ZNF676: variants seen among roughly 807,000 people sequenced by gnomAD.
ZNF676 encodes zinc finger protein 676.
ZNF676 carries 4 observed loss-of-function variants against 6.0 expected under a neutral mutation model. The ratio of observed to expected loss-of-function variants is 0.67; its 90% CI spans 0.33 to 1.53. The LOEUF (loss-of-function observed/expected upper bound fraction) is 1.53. ZNF676 is among the 40% of genes most tolerant of loss of function. The pLI is 0.06. For missense variants in ZNF676, 644 were observed against 679.7 expected (o/e 0.95, Z 0.58); for synonymous variants, 198 against 223.1 (o/e 0.89, Z 1.00).
chr19:22,194,437 A>C (rs1166727991), intron 1 of ZNF676, among the ~76,000 whole-genome samples: 2 of 152,202 alleles, frequency 1.3e-5, no homozygotes, highest in African/African-American at 4.8e-5. Flanking sequence ...ATTGTTCTAC[A>C]ATGTTAGCAC....
upstream of ZNF676, among the ~76,000 whole-genome samples, chr19:22,219,030 AG>A (rs1212526980): frequency 2.7e-4 from 26 of 95,202 alleles, no homozygotes; most frequent in South Asian, 8.0e-3. Context: ...TTTTAGTTTT[AG>A]GATTTTTTTT....
Position 22,196,822 on chromosome 19 carries a change from GT to G in ZNF676, c.-190del. 8.8e-7 allele frequency: 1 copy of G among 1,135,658 alleles called. No homozygotes were observed. The highest frequency in any genetic ancestry group is 1.4e-5 in the South Asian group (1 of 69,098). 70.3% of individuals were successfully genotyped at this position (1,135,658 alleles called of 1,614,324 possible). A position where few individuals can be genotyped will look rare whatever the true frequency, so the allele number is the denominator to read the frequency against. ...AAAATGGAGAGAGTAGAGAGAGCTG[GT>G]TCTGACTTATATGAATGACTGAAAT... On this transcript the variant is annotated 5_prime_UTR_variant, in exon 1 of 3. An upstream open reading frame in the 5' UTR loses its in-frame stop. Transcript: ENST00000397121.
chr19:22,233,527 T>C, the ZNF676 span, among the ~76,000 whole-genome samples: 1 of 152,238 alleles, frequency 6.6e-6, no homozygotes, highest in African/African-American at 2.4e-5. Flanking sequence ...AACATGTTCT[T>C]AGGATGTGTC....
chr19:22,224,692 T>C, the ZNF676 span, among the ~76,000 whole-genome samples: 1 of 152,322 alleles, frequency 6.6e-6, no homozygotes, highest in South Asian at 2.1e-4. Context: ...CTAAAATCTA[T>C]TTAAGTGTAC....
the ZNF676 span, among the ~76,000 whole-genome samples, chr19:22,235,094 AAGAAGGAAGTCAGGAAGGC>A: frequency 1.4e-4 from 19 of 140,114 alleles, 1 homozygote; most frequent in African/African-American, 5.3e-4. Flanking sequence ...GGAAGGCAGG[AAGAAGGAAGTCAGGAAGGC>A]AGGAAGGCAG....
At chr19:22,259,787 T>G in the ZNF676 span, 1 of 152,074 alleles carries the variant, frequency 6.6e-6, no homozygotes, top group Non-Finnish European at 1.5e-5. Context: ...GAGAAGAAGG[T>G]CAAGGTAAAA....
chr19:22,220,878 G>A, the ZNF676 span, among the ~76,000 whole-genome samples: 2 of 152,086 alleles, frequency 1.3e-5, no homozygotes, highest in Non-Finnish European at 2.9e-5. Context: ...ACTCCTCTAG[G>A]TTTTCAAGTT....
intron 2 of ZNF676, among the ~76,000 whole-genome samples, chr19:22,192,686 CA>C (rs1296346484): frequency 6.6e-6 from 1 of 151,722 alleles, no homozygotes; most frequent in Non-Finnish European, 1.5e-5. Flanking sequence ...GATAGTTTAA[CA>C]TGGAGTACCT....
chr19:22,222,097 G>T, the ZNF676 span, among the ~76,000 whole-genome samples: 1 of 138,332 alleles, frequency 7.2e-6, no homozygotes, highest in South Asian at 2.4e-4. Flanking sequence ...TAACATTTTA[G>T]GCTAAAATAT....
At chr19:22,247,530 C>T in the ZNF676 span, among the ~76,000 whole-genome samples, 1 of 151,356 alleles carries the variant, frequency 6.6e-6, no homozygotes. Flanking sequence ...TACCATTGCA[C>T]TCCAGCCTGG....
chr19:22,249,821 G>A, the ZNF676 span, among the ~76,000 whole-genome samples: 86 of 151,386 alleles, frequency 5.7e-4, no homozygotes, highest in African/African-American at 2.0e-3. Context: ...GTTATTAAAC[G>A]TTTATGAAAA....
intron 1 of ZNF676, among the ~76,000 whole-genome samples, chr19:22,204,270 T>A (rs2024055195): frequency 6.6e-6 from 1 of 152,212 alleles, no homozygotes; most frequent in Non-Finnish European, 1.5e-5. Context: ...ATAGCAGATA[T>A]GAATATATAA....
rs148423803 is a variant in ZNF676, at chr19:22,196,512, T to A, written c.34+88A>T. 1.6e-5 allele frequency: 26 copies of A among 1,604,008 alleles called. No individual in the cohort carries two copies. The East Asian group carries it at 5.4e-4, about 33-fold the overall frequency. On this transcript the variant is annotated intron_variant, in intron 1 of 2. Coordinates refer to ENST00000397121, the MANE Select transcript of ZNF676 (RefSeq NM_001001411.3). ...TTTGTCTTTGTCTGTATTCTCGCAT[T>A]CATCCTCCTTTGTTCAGTCCAATAA... is the stretch of plus-strand genomic sequence containing the variant.
chr19:22,181,725 G>T (rs959638038), intron 2 of ZNF676, 139 bp from the exon 3 acceptor site: 59 of 607,594 alleles, frequency 9.7e-5, no homozygotes, highest in Admixed American at 3.7e-4. Context: ...ATTCTTCATA[G>T]ATATATAAAT....
At chr19:22,253,769 T>C in the ZNF676 span, among the ~76,000 whole-genome samples, 1 of 152,036 alleles carries the variant, frequency 6.6e-6, no homozygotes, top group South Asian at 2.1e-4. Flanking sequence ...TCCAATGGGG[T>C]CTGTCCATCT....
chr19:22,253,684 C>T, the ZNF676 span, among the ~76,000 whole-genome samples: 1 of 151,920 alleles, frequency 6.6e-6, no homozygotes, highest in Non-Finnish European at 1.5e-5. Context: ...ACCATGTCAA[C>T]TGTAGCTGGA....
the ZNF676 span, among the ~76,000 whole-genome samples, chr19:22,238,680 A>C: frequency 6.6e-6 from 1 of 152,292 alleles, no homozygotes; most frequent in African/African-American, 2.4e-5. Context: ...ATGTTAATTA[A>C]GTATTAACTC....
intron 1 of ZNF676, among the ~76,000 whole-genome samples, chr19:22,207,162 T>C (rs1568534637): frequency 6.6e-6 from 1 of 152,190 alleles, no homozygotes; most frequent in Non-Finnish European, 1.5e-5. Context: ...CTATCCCTAT[T>C]TGCAAACAAC....
chr19:22,202,549 G>C (rs571343932), intron 1 of ZNF676, among the ~76,000 whole-genome samples: 1 of 152,284 alleles, frequency 6.6e-6, no homozygotes, highest in East Asian at 1.9e-4. Context: ...GGAAAATACA[G>C]TTAGAAGCAA....
Sources: gnomAD v4.1 joint callset for allele counts (sites outside exome capture counted in the v4.1 genomes callset) on GRCh38, gnomAD v4.1.1 for gene constraint, MANE v1.5 for transcripts, NCBI Gene and HGNC (gene_info 2026-07-23, HGNC 2026-07-21) for gene names.